PGPEP1L: variants seen among roughly 807,000 people sequenced by gnomAD.
PGPEP1L encodes pyroglutamyl-peptidase 1-like protein.
PGPEP1L carries 7 observed loss-of-function variants against 6.0 expected under a neutral mutation model. The observed-to-expected ratio is 1.17, with a 90% CI of 0.66 to 2.19. The LOEUF (loss-of-function observed/expected upper bound fraction) is 2.19, where lower values mean the gene tolerates loss of function less well. PGPEP1L is among the 30% of genes most tolerant of loss of function. The pLI is 0.00. For missense variants in PGPEP1L, 209 were observed against 192.5 expected, an observed-to-expected ratio of 1.09 and a Z score of -0.51; for synonymous variants, 103 against 83.9, an observed-to-expected ratio of 1.23 and a Z score of -1.24.
intron 2 of PGPEP1L, among the ~76,000 whole-genome samples, chr15:98,978,396 C>G (rs2017600227): frequency 1.3e-5 from 2 of 152,186 alleles, no homozygotes; most frequent in African/African-American, 4.8e-5. Context: ...GCATCTCAAA[C>G]TGGCTCACAG....
chr15:98,996,845 T>C (rs1263359391), intron 2 of PGPEP1L, among the ~76,000 whole-genome samples: 6 of 152,184 alleles, frequency 3.9e-5, no homozygotes, highest in African/African-American at 7.2e-5. Flanking sequence ...CCTTGACTCA[T>C]GGAATAGCCT....
chr15:98,975,907 C>T (rs1159960827), intron 2 of PGPEP1L, among the ~76,000 whole-genome samples: 1 of 150,990 alleles, frequency 6.6e-6, no homozygotes, highest in Non-Finnish European at 1.5e-5. Flanking sequence ...TAAATATGTA[C>T]AACTATTATG....
intron 2 of PGPEP1L, among the ~76,000 whole-genome samples, chr15:98,990,002 C>T (rs544379182): frequency 2.3e-4 from 35 of 152,228 alleles, no homozygotes; most frequent in African/African-American, 7.9e-4. Flanking sequence ...GGAAAGGAAC[C>T]ACCGGTAACA....
chr15:98,980,723 G>A (rs937555737), intron 2 of PGPEP1L, among the ~76,000 whole-genome samples: 1 of 152,118 alleles, frequency 6.6e-6, no homozygotes, highest in African/African-American at 2.4e-5. Context: ...CCTGAGGTCA[G>A]GAGTTTGAGA....
At chr15:98,973,788 C>T (rs1038623147) in intron 2 of PGPEP1L, among the ~76,000 whole-genome samples, 2 of 151,998 alleles carry the variant, frequency 1.3e-5, no homozygotes, top group Admixed American at 6.6e-5. Context: ...AATGATGCAC[C>T]TAAAGGAACT....
intron 2 of PGPEP1L, among the ~76,000 whole-genome samples, chr15:98,971,484 ACT>A (rs1217190413): frequency 2.6e-5 from 4 of 152,048 alleles, no homozygotes; most frequent in South Asian, 2.1e-4. Context: ...ACAGAGCTAG[ACT>A]CTGTTTCCAA....
Position 98,971,172 on chromosome 15 carries a change from C to G in PGPEP1L, c.-141-14G>C, listed in dbSNP as rs2017488946. The G allele has an allele frequency of 2.1e-6, 3 of 1,421,284 alleles. No homozygotes were observed. Among genetic ancestry groups the G allele is most frequent in the Non-Finnish European group, 2.8e-6 (3 of 1,066,918 alleles). The allele number at this position is 1,421,284 out of a possible 1,614,324, so 88.0% of individuals were successfully genotyped here. A position where few individuals can be genotyped will look rare whatever the true frequency, so the allele number is the denominator to read the frequency against. Reference sequence around the variant, plus strand: ...CTTGGAGAGCTCCTGAGGAAAGCGGCAGGTGGACTTGCCTCAGTTGATGGG... The same window carrying G: ...CTTGGAGAGCTCCTGAGGAAAGCGGGAGGTGGACTTGCCTCAGTTGATGGG... On this transcript the variant is annotated splice_polypyrimidine_tract_variant and intron_variant, in intron 2 of 4. Coordinates refer to ENST00000535714, the MANE Select transcript of PGPEP1L (RefSeq NM_001167902.2).
In PGPEP1L at chr15:98,968,336, C is replaced by T. The variant is rs1567232855; in HGVS notation, c.*142G>A. The T allele has an allele frequency of 1.3e-6, 1 of 783,374 alleles. No individual in the cohort carries two copies. Among genetic ancestry groups the T allele is most frequent in the Non-Finnish European group, 2.1e-6 (1 of 486,578 alleles). 48.5% of individuals were successfully genotyped at this position (783,374 alleles called of 1,614,324 possible). On this transcript the variant is annotated 3_prime_UTR_variant, in exon 5 of 5. Coordinates refer to ENST00000535714, the MANE Select transcript of PGPEP1L (RefSeq NM_001167902.2). ...TCTTTCTCCTGACAATAAAATAACC[C>T]TTTGTGATTTTGTTGGGCTAATTCA... is the stretch of plus-strand genomic sequence containing the variant.
chr15:99,003,134 AAAT>A (rs1365837885), intron 2 of PGPEP1L, among the ~76,000 whole-genome samples: 2 of 151,944 alleles, frequency 1.3e-5, no homozygotes, highest in African/African-American at 4.8e-5. Context: ...CCTTCAGAAT[AAAT>A]AAGACTTTAG....
intron 1 of PGPEP1L, among the ~76,000 whole-genome samples, chr15:99,006,604 G>A (rs1555473666): frequency 6.6e-6 from 1 of 152,218 alleles, no homozygotes; most frequent in Admixed American, 6.5e-5. Context: ...CAAGGTAGGA[G>A]GATAGCCTGA....
At chr15:98,984,020 T>A (rs1188707844) in intron 2 of PGPEP1L, among the ~76,000 whole-genome samples, 71 of 140,648 alleles carry the variant, frequency 5.0e-4, no homozygotes, top group Non-Finnish European at 6.4e-4. Context: ...TTTTTTTTTT[T>A]TTTTTTTTTT....
At chr15:98,971,790 G>C (rs530999667) in intron 2 of PGPEP1L, among the ~76,000 whole-genome samples, 1 of 152,214 alleles carries the variant, frequency 6.6e-6, no homozygotes, top group Admixed American at 6.5e-5. Context: ...AATCATGTAC[G>C]TCTTAAGTGT....
intron 2 of PGPEP1L, among the ~76,000 whole-genome samples, chr15:98,990,965 T>C (rs1253913633): frequency 4.6e-5 from 7 of 152,164 alleles, no homozygotes; most frequent in African/African-American, 7.2e-5. Flanking sequence ...TTTAAAGCAG[T>C]GTGTAGAGGG....
intron 1 of PGPEP1L, 50 bp downstream of exon 1, chr15:99,007,309 T>G (rs2018090245): frequency 6.6e-6 from 1 of 152,310 alleles, no homozygotes; most frequent in Non-Finnish European, 1.5e-5. Context: ...ACTTGTAGAC[T>G]TGGTCTCTAC....
chr15:98,988,101 T>C (rs1463701716), intron 2 of PGPEP1L, among the ~76,000 whole-genome samples: 1 of 152,162 alleles, frequency 6.6e-6, no homozygotes, highest in East Asian at 1.9e-4. Context: ...GTTTATTTTT[T>C]TTCATACCCC....
At position 98,978,706 on chromosome 15, in the gene PGPEP1L, GTATA is replaced by G. The variant is rs60484400; in HGVS notation, c.-141-7552_-141-7549del. 7.9e-3 allele frequency among the ~76,000 whole-genome samples: 719 copies of G among 90,532 alleles called. 5 individuals are homozygous for G. The highest frequency in any genetic ancestry group is 0.011 in the Non-Finnish European group (499 of 47,344). The allele number at this position is 90,532 out of a possible 152,430, so 59.4% of individuals were successfully genotyped here. ...GTCTTTTTCTCTAGCATTAGACTGT[GTATA>G]TATATATATATATATATTTTTTTTT... On this transcript the variant is annotated intron_variant, in intron 2 of 4. Transcript: ENST00000535714.
chr15:99,002,278 G>A (rs542194224), intron 2 of PGPEP1L, among the ~76,000 whole-genome samples: 39 of 152,182 alleles, frequency 2.6e-4, no homozygotes, highest in Non-Finnish European at 5.0e-4. Context: ...TTACAGGTGT[G>A]AGTCATTGTA....
chr15:98,969,711 A>AG, intron 3 of PGPEP1L, 60 bp from the exon 4 acceptor site: 1 of 1,548,460 alleles, frequency 6.5e-7, no homozygotes, highest in Non-Finnish European at 8.8e-7. Flanking sequence ...CTGCTCACCA[A>AG]ATGTGCAGAA....
chr15:98,997,493 G>A (rs66868506), intron 2 of PGPEP1L, among the ~76,000 whole-genome samples: 8,833 of 152,216 alleles, frequency 0.058, 367 homozygotes, highest in African/African-American at 0.12. Flanking sequence ...ACAGCTGTAT[G>A]GGGACAGAGA....
Sources: allele counts gnomAD v4.1 joint callset (sites outside exome capture counted in the v4.1 genomes callset), GRCh38; gene constraint gnomAD v4.1.1; transcripts MANE v1.5; gene names NCBI Gene and HGNC (gene_info 2026-07-23, HGNC 2026-07-21).